The following IKBKB-DT variants were observed in gnomAD, a reference collection of about 807,000 sequenced individuals.
IKBKB-DT encodes IKBKB antisense RNA.
At chr8:42,257,712 T>A (rs1807224898) in intron 3 of IKBKB-DT, among the ~76,000 whole-genome samples, 1 of 152,048 alleles carries the variant, frequency 6.6e-6, no homozygotes, top group Non-Finnish European at 1.5e-5. Flanking sequence ...GGCAGGAGGA[T>A]CACTTGAGCC....
At chr8:42,264,309 C>T (rs1458983694) in intron 2 of IKBKB-DT, among the ~76,000 whole-genome samples, 15 of 151,428 alleles carry the variant, frequency 9.9e-5, no homozygotes, top group Admixed American at 9.9e-4. Flanking sequence ...GGCACGACAC[C>T]ACACCCAGCT....
chr8:42,244,747 G>A (rs1008305689), intron 3 of IKBKB-DT, among the ~76,000 whole-genome samples: 1 of 152,082 alleles, frequency 6.6e-6, no homozygotes, highest in Non-Finnish European at 1.5e-5. Flanking sequence ...ATTGGGTCAG[G>A]GTTTGGAAAG....
intron 3 of IKBKB-DT, among the ~76,000 whole-genome samples, chr8:42,262,809 G>A (rs1188813223): frequency 6.6e-6 from 1 of 151,282 alleles, no homozygotes; most frequent in Non-Finnish European, 1.5e-5. Context: ...CGTAATCACG[G>A]CTCACTGCAT....
chr8:42,240,229 T>G (rs1806982716), intron 3 of IKBKB-DT, among the ~76,000 whole-genome samples: 1 of 151,930 alleles, frequency 6.6e-6, no homozygotes, highest in Admixed American at 6.6e-5. Context: ...TGCTGTTTTT[T>G]TTTTTTTTGA....
exon 1 of IKBKB-DT, chr8:42,270,984 G>T (rs376784960): frequency 4.7e-6 from 1 of 214,082 alleles, no homozygotes; most frequent in African/African-American, 2.4e-5. Context: ...CGGGGGCGCG[G>T]GAAATTCCAC....
At chr8:42,238,487 G>C (rs1245057999) in intron 3 of IKBKB-DT, among the ~76,000 whole-genome samples, 1 of 152,210 alleles carries the variant, frequency 6.6e-6, no homozygotes, top group East Asian at 1.9e-4. Context: ...AAGTCCACAA[G>C]ATGAGGATGA....
At chr8:42,267,153 C>T (rs946976114) in intron 1 of IKBKB-DT, among the ~76,000 whole-genome samples, 6 of 151,776 alleles carry the variant, frequency 4.0e-5, no homozygotes, top group Non-Finnish European at 5.9e-5. Flanking sequence ...TACAGGCGCC[C>T]GCCACCATGC....
At chr8:42,235,120 A>T (rs187295638) in intron 3 of IKBKB-DT, among the ~76,000 whole-genome samples, 6 of 146,624 alleles carry the variant, frequency 4.1e-5, no homozygotes, top group African/African-American at 5.1e-5. Context: ...AGAACCTAAC[A>T]TTGGCCTTTT....
At chr8:42,263,403 G>A (rs1010004969) in exon 3 of IKBKB-DT, 1 of 152,146 alleles carries the variant, frequency 6.6e-6, no homozygotes, top group African/African-American at 2.4e-5. Context: ...ATCCCATCTG[G>A]GTCACCGAAA....
At chr8:42,256,599 A>G (rs1447038637) in intron 3 of IKBKB-DT, among the ~76,000 whole-genome samples, 3 of 152,142 alleles carry the variant, frequency 2.0e-5, no homozygotes, top group Admixed American at 2.0e-4. Context: ...ATTAAAAATA[A>G]TTTAAATCAT....
intron 3 of IKBKB-DT, among the ~76,000 whole-genome samples, chr8:42,248,653 G>A (rs1184639250): frequency 1.3e-5 from 2 of 152,044 alleles, no homozygotes; most frequent in East Asian, 1.9e-4. Context: ...GGCCAAGGCA[G>A]GCGGATCATG....
At chr8:42,271,234 G>A (rs1478621448) in exon 1 of IKBKB-DT, 7 of 655,670 alleles carry the variant, frequency 1.1e-5, no homozygotes, top group African/African-American at 1.8e-5. Flanking sequence ...AGCACTCGCA[G>A]CATCCGGACC....
intron 3 of IKBKB-DT, among the ~76,000 whole-genome samples, chr8:42,250,663 C>T (rs575536613): frequency 2.0e-5 from 3 of 152,130 alleles, no homozygotes; most frequent in African/African-American, 4.8e-5. Context: ...GGGCAGGGAA[C>T]GGTGGTGATG....
chr8:42,239,632 A>ATATATT (rs1287944961), intron 3 of IKBKB-DT, among the ~76,000 whole-genome samples: 1 of 86,970 alleles, frequency 1.1e-5, no homozygotes, highest in Non-Finnish European at 2.3e-5. Flanking sequence ...ATATATATAT[A>ATATATT]TATTTATTTA....
chr8:42,238,665 A>G (rs1361946510), intron 3 of IKBKB-DT, among the ~76,000 whole-genome samples: 2 of 152,208 alleles, frequency 1.3e-5, no homozygotes, highest in Non-Finnish European at 2.9e-5. Context: ...TCCTTGTTGT[A>G]GAACCTAAGA....
chr8:42,252,256 T>C (rs1026509027), intron 3 of IKBKB-DT, among the ~76,000 whole-genome samples: 2 of 152,222 alleles, frequency 1.3e-5, no homozygotes, highest in African/African-American at 4.8e-5. Context: ...TTGTGCCCTA[T>C]GTAAATCAGA....
chr8:42,250,483 C>T lies in IKBKB-DT; in HGVS notation n.1529+12846G>A, dbSNP rs75446609. On this transcript the variant is annotated intron_variant and non_coding_transcript_variant, in intron 3 of 3. Transcript: ENST00000518213. ...GCAGAATTCAGGATCTTCTATCCTC[C>T]TAGCCTGGTGCTCCCTCATTAGGAT... 2.1e-4 allele frequency among the ~76,000 whole-genome samples: 32 copies of T among 152,326 alleles called. No homozygotes were observed. In the East Asian group the frequency reaches 6.2e-3, roughly 29 times the overall value.
intron 3 of IKBKB-DT, among the ~76,000 whole-genome samples, chr8:42,244,559 T>C (rs1807040397): frequency 6.6e-6 from 1 of 152,206 alleles, no homozygotes; most frequent in African/African-American, 2.4e-5. Flanking sequence ...AATTTTTTTT[T>C]AATTTTTAGA....
intron 3 of IKBKB-DT, among the ~76,000 whole-genome samples, chr8:42,261,065 T>A (rs780661529): frequency 1.3e-5 from 2 of 151,958 alleles, no homozygotes; most frequent in Non-Finnish European, 2.9e-5. Flanking sequence ...ATGGCCTACA[T>A]CTGTAATCCC....
Sources: allele counts gnomAD v4.1 joint callset (sites outside exome capture counted in the v4.1 genomes callset), GRCh38; gene constraint gnomAD v4.1.1; transcripts MANE v1.5; gene names NCBI Gene and HGNC (gene_info 2026-07-23, HGNC 2026-07-21).